The following AGTPBP1 variants were observed in gnomAD, a reference collection of about 807,000 sequenced individuals.
AGTPBP1 encodes cytosolic carboxypeptidase 1.
In AGTPBP1, 70 loss-of-function variants were observed where a neutral mutation model predicts 143.9. The ratio of observed to expected loss-of-function variants is 0.49; its 90% CI spans 0.40 to 0.59. AGTPBP1 has a LOEUF of 0.59. AGTPBP1 is among the 20% of genes least tolerant of loss of function. AGTPBP1 has a pLI of 0.00. For missense variants in AGTPBP1, 1,229 were observed against 1,464.5 expected (o/e 0.84, Z 2.62); for synonymous variants, 463 against 500.2 (o/e 0.93, Z 0.99).
chr9:85,792,326 G>C, the AGTPBP1 span: 1 of 152,200 alleles, frequency 6.6e-6, no homozygotes, highest in Non-Finnish European at 1.5e-5. Context: ...AACTATTAAA[G>C]TCAAAGTTTT....
chr9:85,709,552 A>G (rs1205518331), intron 2 of AGTPBP1, among the ~76,000 whole-genome samples: 1 of 152,200 alleles, frequency 6.6e-6, no homozygotes, highest in African/African-American at 2.4e-5. Context: ...AAAGCAAGGT[A>G]AAGACATCTC....
At chr9:85,597,164 A>C (rs888228765) in intron 17 of AGTPBP1, among the ~76,000 whole-genome samples, 2 of 151,888 alleles carry the variant, frequency 1.3e-5, no homozygotes, top group African/African-American at 4.8e-5. Flanking sequence ...TATTAAACTT[A>C]CCTGTGAGTA....
At chr9:85,655,352 T>A in intron 10 of AGTPBP1, 32 bp from the exon 11 acceptor site, 3 of 1,466,088 alleles carry the variant, frequency 2.0e-6, no homozygotes, top group Non-Finnish European at 2.7e-6. Flanking sequence ...AGAAAAAGAA[T>A]GTTTTTGATG....
intron 14 of AGTPBP1, among the ~76,000 whole-genome samples, chr9:85,624,049 T>C (rs997334085): frequency 3.3e-5 from 5 of 152,220 alleles, no homozygotes; most frequent in Admixed American, 2.0e-4. Context: ...ATGTGATATG[T>C]GGCCACCAGC....
chr9:85,652,141 C>A (rs1833201014), intron 11 of AGTPBP1, among the ~76,000 whole-genome samples: 1 of 152,052 alleles, frequency 6.6e-6, no homozygotes, highest in Non-Finnish European at 1.5e-5. Flanking sequence ...CTGATTTTAT[C>A]AAAAATAGCC....
At chr9:85,652,556 G>GAAC (rs1833234121) in intron 11 of AGTPBP1, among the ~76,000 whole-genome samples, 1 of 152,218 alleles carries the variant, frequency 6.6e-6, no homozygotes, top group Non-Finnish European at 1.5e-5. Context: ...CTGAGTTGGT[G>GAAC]AACACATCAT....
At chr9:85,610,039 T>C (rs1455960759) in intron 17 of AGTPBP1, among the ~76,000 whole-genome samples, 1 of 152,172 alleles carries the variant, frequency 6.6e-6, no homozygotes, top group Non-Finnish European at 1.5e-5. Context: ...GGGGGACTAA[T>C]CCATTCTAGG....
At chr9:85,686,245 G>C (rs186646367) in intron 3 of AGTPBP1, among the ~76,000 whole-genome samples, 1 of 151,782 alleles carries the variant, frequency 6.6e-6, no homozygotes, top group African/African-American at 2.4e-5. Flanking sequence ...CAAAAAGGCT[G>C]GGAGTAAAAG....
intron 4 of AGTPBP1, among the ~76,000 whole-genome samples, chr9:85,680,199 A>G (rs533117074): frequency 4.6e-5 from 7 of 152,322 alleles, no homozygotes; most frequent in Non-Finnish European, 1.0e-4. Flanking sequence ...GTTCTTTGAT[A>G]TTTAATGGGA....
At chr9:85,666,763 G>A (rs1219892699) in intron 8 of AGTPBP1, among the ~76,000 whole-genome samples, 1 of 151,980 alleles carries the variant, frequency 6.6e-6, no homozygotes, top group Non-Finnish European at 1.5e-5. Context: ...TTAAGTAGGA[G>A]ATCATGGCCA....
intron 8 of AGTPBP1, among the ~76,000 whole-genome samples, chr9:85,663,366 G>A (rs937628557): frequency 6.6e-6 from 1 of 152,052 alleles, no homozygotes; most frequent in Non-Finnish European, 1.5e-5. Context: ...TAGAGTGCTC[G>A]GAAGGATTCT....
At position 85,693,950 on chromosome 9, in the gene AGTPBP1, C is replaced by G. The variant is rs1300911554; in HGVS notation, c.33-1137G>C. The stretch of plus-strand genomic sequence containing the variant: ...GTCCAGAAAAACGGAGGCACAAGCT[C>G]CTAGATCCCTGCGCAGGAGCAAACC... On this transcript the variant is annotated intron_variant, in intron 2 of 25. Transcript: ENST00000357081. Among the ~76,000 whole-genome samples, 3 of 152,054 alleles carry G rather than the reference C, an allele frequency of 2.0e-5. No homozygotes were observed. The East Asian group carries it at 5.8e-4, about 29-fold the overall frequency.
At chr9:85,596,044 T>C (rs1263374987) in intron 18 of AGTPBP1, among the ~76,000 whole-genome samples, 1 of 152,194 alleles carries the variant, frequency 6.6e-6, no homozygotes, top group African/African-American at 2.4e-5. Context: ...TTATTACTCG[T>C]AATTTCTATT....
intron 1 of AGTPBP1, among the ~76,000 whole-genome samples, chr9:85,738,494 A>G (rs1166848577): frequency 1.3e-5 from 2 of 152,240 alleles, no homozygotes; most frequent in African/African-American, 2.4e-5. Context: ...CAATATTCTG[A>G]TCAAATAAAC....
chr9:85,630,988 C>G (rs1429928470), intron 14 of AGTPBP1, among the ~76,000 whole-genome samples: 2 of 152,162 alleles, frequency 1.3e-5, no homozygotes, highest in Non-Finnish European at 2.9e-5. Context: ...TGCCTATGTT[C>G]CACACATAGT....
intron 17 of AGTPBP1, among the ~76,000 whole-genome samples, chr9:85,605,796 G>C (rs1235314628): frequency 6.6e-6 from 1 of 151,954 alleles, no homozygotes; most frequent in Non-Finnish European, 1.5e-5. Flanking sequence ...TTACTTGTTT[G>C]TTAATGTTTG....
intron 25 of AGTPBP1, among the ~76,000 whole-genome samples, chr9:85,551,061 C>G (rs967323692): frequency 6.6e-6 from 1 of 150,874 alleles, no homozygotes; most frequent in Non-Finnish European, 1.5e-5. Context: ...TGGCACTTCC[C>G]CCTCTCGCCA....
intron 25 of AGTPBP1, among the ~76,000 whole-genome samples, chr9:85,556,710 CA>C (rs1826367632): frequency 6.6e-6 from 1 of 152,134 alleles, no homozygotes; most frequent in South Asian, 2.1e-4. Flanking sequence ...AAGCAAGAAG[CA>C]TTACCAAAGA....
Position 85,657,463 on chromosome 9 carries a change from C to A in AGTPBP1, c.881G>T (p.Gly294Val). 1 of 1,613,312 alleles carries A rather than the reference C, an allele frequency of 6.2e-7. No individual in the cohort carries two copies. The change falls in exon 10 of 26, where the codon GGG (glycine) becomes GTG (valine). Residue 294 changes from glycine to valine, a missense_variant. Coordinates refer to ENST00000357081, the MANE Select transcript of AGTPBP1 (RefSeq NM_001330701.2). Reference protein sequence around the residue: ...LGRKAFIDANGMKILYNTSQE... With the variant: ...LGRKAFIDANVMKILYNTSQE... ...CGAAGTATTATACAGAATTTTCATC[C>A]CATTGGCATCAATAAATGCTTTTCT...
Sources: gnomAD v4.1 joint callset for allele counts (sites outside exome capture counted in the v4.1 genomes callset) on GRCh38, gnomAD v4.1.1 for gene constraint, MANE v1.5 for transcripts, NCBI Gene and HGNC (gene_info 2026-07-23, HGNC 2026-07-21) for gene names.